Variants in HERC4 observed in about 807,000 individuals in gnomAD.
The protein encoded by HERC4 is HECT and RLD domain containing E3 ubiquitin protein ligase 4.
HERC4 carries 28 observed loss-of-function variants against 124.3 expected under a neutral mutation model. That is an observed-to-expected ratio of 0.23 (90% CI 0.17 to 0.31). The LOEUF is 0.31. Among genes scored for constraint, HERC4 ranks in the 10% least tolerant of loss-of-function variants. The probability of loss-of-function intolerance (pLI) is 1.00; values close to 1 mark genes in which losing one functional copy is unlikely to be tolerated. For synonymous variants in HERC4, 407 were observed against 421.5 expected, an observed-to-expected ratio of 0.97 and a Z score of 0.42; for missense variants, 713 against 1,229.3, an observed-to-expected ratio of 0.58 and a Z score of 6.28.
chr10:68,027,616 A>C (rs963518111), intron 7 of HERC4, among the ~76,000 whole-genome samples: 1 of 152,216 alleles, frequency 6.6e-6, no homozygotes, highest in Non-Finnish European at 1.5e-5. Flanking sequence ...CTGCTTTGTT[A>C]GTGAAGTTAA....
chr10:68,063,476 G>A (rs2041138379), intron 3 of HERC4, among the ~76,000 whole-genome samples: 2 of 152,074 alleles, frequency 1.3e-5, no homozygotes, highest in Admixed American at 6.6e-5. Context: ...CCAAAGTGCT[G>A]TGATTACAGG....
intron 8 of HERC4, among the ~76,000 whole-genome samples, chr10:68,020,926 TA>T (rs879834036): frequency 3.9e-5 from 6 of 151,960 alleles, no homozygotes; most frequent in African/African-American, 1.4e-4. Context: ...CAGAAAATCT[TA>T]AAAAAAGTGC....
Position 67,990,412 on chromosome 10 carries a change from C to T in HERC4, c.1444-12G>A. On this transcript the variant is annotated splice_polypyrimidine_tract_variant and intron_variant, in intron 13 of 24. Coordinates refer to ENST00000373700, the MANE Select transcript of HERC4 (RefSeq NM_015601.4). Reference sequence around the variant, plus strand: ...AAACTAGCTGCCACCTATATTTTGACAAAAAGTAAAACCTACTTCATTTAA... The same window carrying T: ...AAACTAGCTGCCACCTATATTTTGATAAAAAGTAAAACCTACTTCATTTAA... The T allele has an allele frequency of 8.5e-7, 1 of 1,175,996 alleles. No individual in the cohort carries two copies. The highest frequency in any genetic ancestry group is 1.1e-6 in the Non-Finnish European group (1 of 914,688). 72.8% of individuals were successfully genotyped at this position (1,175,996 alleles called of 1,614,324 possible).
chr10:67,975,444 G>GA (rs1564494865), intron 15 of HERC4, among the ~76,000 whole-genome samples: 1 of 152,000 alleles, frequency 6.6e-6, no homozygotes, highest in Non-Finnish European at 1.5e-5. Context: ...ACACCTCCCA[G>GA]GTTCAAACAA....
chr10:67,971,201 T>C (rs1207424438), intron 15 of HERC4, among the ~76,000 whole-genome samples: 1 of 152,088 alleles, frequency 6.6e-6, no homozygotes, highest in Non-Finnish European at 1.5e-5. Context: ...CACTGATGAA[T>C]TATATCAAAC....
At chr10:68,075,088 C>T (rs1411307404) in intron 1 of HERC4, 56 bp downstream of exon 1, 1 of 153,178 alleles carries the variant, frequency 6.5e-6, no homozygotes, top group South Asian at 2.1e-4. Flanking sequence ...CAGGGCACCT[C>T]CGGCGTCTGT....
chr10:68,052,089 A>C (rs2040344774), intron 3 of HERC4, among the ~76,000 whole-genome samples: 1 of 152,162 alleles, frequency 6.6e-6, no homozygotes, highest in African/African-American at 2.4e-5. Context: ...AGAGACATTT[A>C]ATTTTTGGAG....
At chr10:68,070,597 ACT>A (rs1468928547) in intron 3 of HERC4, 2 of 151,586 alleles carry the variant, frequency 1.3e-5, no homozygotes, top group Non-Finnish European at 2.9e-5. Context: ...CAAGAGCGAA[ACT>A]CTGTCTCAAA....
At chr10:68,010,909 G>T (rs756658251) in intron 9 of HERC4, 23 of 1,326,232 alleles carry the variant, frequency 1.7e-5, no homozygotes, top group Non-Finnish European at 2.4e-5. Flanking sequence ...TCCTAAGATT[G>T]CAGCAATTCA....
At chr10:68,016,969 A>G (rs2038309026) in intron 8 of HERC4, among the ~76,000 whole-genome samples, 1 of 152,186 alleles carries the variant, frequency 6.6e-6, no homozygotes, top group Admixed American at 6.5e-5. Context: ...TATGTCACCC[A>G]AAATGATTTA....
At chr10:67,976,757 A>AATTCTGT (rs2035615016) in intron 15 of HERC4, among the ~76,000 whole-genome samples, 2 of 152,222 alleles carry the variant, frequency 1.3e-5, no homozygotes, top group Admixed American at 6.5e-5. Flanking sequence ...GAAAGAATGC[A>AATTCTGT]GCAATTGTTA....
chr10:67,946,931 A>T (rs986543104), intron 19 of HERC4, among the ~76,000 whole-genome samples: 1 of 152,116 alleles, frequency 6.6e-6, no homozygotes. Context: ...CAAAATTACA[A>T]ATATAAATAT....
chr10:67,955,158 C>A, intron 17 of HERC4, 28 bp from the exon 18 acceptor site: 7 of 1,563,226 alleles, frequency 4.5e-6, no homozygotes, highest in Non-Finnish European at 6.0e-6. Context: ...AACATTTTAA[C>A]AGCAATGCTA....
chr10:67,992,744 T>G, intron 9 of HERC4, 62 bp from the exon 10 acceptor site: 1 of 799,622 alleles, frequency 1.3e-6, no homozygotes, highest in Non-Finnish European at 2.0e-6. Flanking sequence ...AGAGCATCAA[T>G]ATGCCATTAG....
rs573494852 is a variant in HERC4, at chr10:67,984,774, G to A, written c.1806+3889C>T. On this transcript the variant is annotated intron_variant, in intron 15 of 24. Transcript: ENST00000373700. ...ATTTTTGTAATTTTTAGTAGAGATG[G>A]GGTTTCACCATGTTGGCCAGGCTGG... is the stretch of plus-strand genomic sequence containing the variant. 2.8e-4 allele frequency among the ~76,000 whole-genome samples: 43 copies of A among 152,164 alleles called. 1 individual carries two copies. Among genetic ancestry groups the A allele is most frequent in the African/African-American group, 1.0e-3 (42 of 41,518 alleles).
chr10:68,016,857 A>G, intron 8 of HERC4, among the ~76,000 whole-genome samples: 1 of 152,220 alleles, frequency 6.6e-6, no homozygotes. Flanking sequence ...TGTATTACAG[A>G]GCTAAGAATA....
chr10:68,061,130 T>A (rs979085777), intron 3 of HERC4, among the ~76,000 whole-genome samples: 1 of 152,128 alleles, frequency 6.6e-6, no homozygotes, highest in African/African-American at 2.4e-5. Flanking sequence ...ATTGCCCGCA[T>A]ATATACAACT....
At position 67,932,855 on chromosome 10, in the gene HERC4, TTCA is replaced by T. The variant is rs2031970922; in HGVS notation, c.2655-78_2655-76del. 2.3e-6 allele frequency: 3 copies of T among 1,289,942 alleles called. No individual in the cohort carries two copies. In the Admixed American group the frequency reaches 8.1e-5, roughly 35 times the overall value. 79.9% of individuals were successfully genotyped at this position (1,289,942 alleles called of 1,614,324 possible). A position where few individuals can be genotyped will look rare whatever the true frequency, so the allele number is the denominator to read the frequency against. On this transcript the variant is annotated intron_variant, in intron 22 of 24. Transcript: ENST00000373700. ...GAATCCATAATGTAGTCATTAAAAC[TTCA>T]AGTGCTCCTACAATTTCTGCTACAT...
chr10:67,997,530 T>C (rs1488367289), intron 9 of HERC4, among the ~76,000 whole-genome samples: 1 of 152,214 alleles, frequency 6.6e-6, no homozygotes, highest in Non-Finnish European at 1.5e-5. Context: ...CTCATACTTA[T>C]TTGATTTTTG....
Sources: allele counts gnomAD v4.1 joint callset (sites outside exome capture counted in the v4.1 genomes callset), GRCh38; gene constraint gnomAD v4.1.1; transcripts MANE v1.5; gene names NCBI Gene and HGNC (gene_info 2026-07-23, HGNC 2026-07-21).